MAML3: variants seen among roughly 807,000 people sequenced by gnomAD.
MAML3 encodes mastermind like transcriptional coactivator 3, also known as mastermind-like protein 3.
MAML3 carries 27 observed loss-of-function variants against 101.9 expected under a neutral mutation model. That is an observed-to-expected ratio of 0.27 (90% CI 0.20 to 0.37). The LOEUF is 0.37. Ranked by LOEUF, MAML3 falls within the 10% of genes least tolerant of loss-of-function variation. The pLI is 1.00. For synonymous variants in MAML3, 501 were observed against 555.9 expected (o/e 0.90, Z 1.39); for missense variants, 1,316 against 1,444.9 (o/e 0.91, Z 1.45).
intron 4 of MAML3, 126 bp from the exon 5 acceptor site, chr4:139,720,449 A>C: frequency 1.2e-6 from 1 of 805,906 alleles, no homozygotes; most frequent in Non-Finnish European, 1.8e-6. Flanking sequence ...TCTGATAATA[A>C]ATCTGTAACA....
At chr4:139,862,260 G>T (rs1321520421) in intron 2 of MAML3, among the ~76,000 whole-genome samples, 1 of 152,258 alleles carries the variant, frequency 6.6e-6, no homozygotes, top group East Asian at 1.9e-4. Context: ...CCCAGCCCCA[G>T]AGATTAAGAG....
At position 139,729,223 on chromosome 4, in the gene MAML3, T is replaced by TG. The variant is rs1728603111; in HGVS notation, c.2331+1192dup. On this transcript the variant is annotated intron_variant, in intron 3 of 4. Coordinates refer to ENST00000509479, the MANE Select transcript of MAML3 (RefSeq NM_018717.5). ...TGCTCAGCAGTACAATTTTTCTCTT[T>TG]GGGGGATGCCTGGTGTTACTTTGAA... is the stretch of plus-strand genomic sequence containing the variant. 3.3e-5 allele frequency among the ~76,000 whole-genome samples: 5 copies of TG among 149,356 alleles called. No individual in the cohort carries two copies. In the South Asian group the frequency reaches 1.1e-3, roughly 32 times the overall value.
At chr4:139,765,931 G>A (rs1025783624) in intron 2 of MAML3, among the ~76,000 whole-genome samples, 2 of 152,086 alleles carry the variant, frequency 1.3e-5, no homozygotes, top group African/African-American at 2.4e-5. Context: ...TGGCTTCAGT[G>A]AGCTATGATC....
rs1560825863 is a variant in MAML3, at chr4:139,889,498, C to T, written c.1938G>A (p.Gln646=). The change falls in exon 2 of 5, where the codon CAG becomes CAA. Residue 646 remains glutamine (Q), a synonymous_variant. Coordinates refer to ENST00000509479, the MANE Select transcript of MAML3 (RefSeq NM_018717.5). The part of the protein sequence containing the change: ...QQQQQQQQQQ[Q]QQQQPPPPQL... ...GTGGAGGTGGCGGCTGCTGCTGCTGCTGCTGCTGCTGTTGCTGTTGCTGCT... is the reference window on the plus strand; with the variant it reads ...GTGGAGGTGGCGGCTGCTGCTGCTGTTGCTGCTGCTGTTGCTGTTGCTGCT... The T allele has an allele frequency of 6.2e-7, 1 of 1,612,314 alleles. No homozygotes were observed. Among genetic ancestry groups the T allele is most frequent in the East Asian group, 2.2e-5 (1 of 44,854 alleles).
At chr4:140,107,629 T>C (rs948948015) in intron 1 of MAML3, among the ~76,000 whole-genome samples, 6 of 151,192 alleles carry the variant, frequency 4.0e-5, no homozygotes, top group African/African-American at 1.5e-4. Context: ...CTCACCCTCC[T>C]GAGTAGCTGG....
chr4:140,065,544 G>C (rs1396300003), intron 1 of MAML3, among the ~76,000 whole-genome samples: 1 of 152,094 alleles, frequency 6.6e-6, no homozygotes, highest in Non-Finnish European at 1.5e-5. Context: ...GAATAAACTC[G>C]ATGCAGACAG....
intron 1 of MAML3, among the ~76,000 whole-genome samples, chr4:139,996,593 A>G (rs1438600991): frequency 2.0e-5 from 3 of 152,102 alleles, no homozygotes; most frequent in South Asian, 2.1e-4. Flanking sequence ...AATGATTAGT[A>G]TTTGCATAGC....
chr4:140,004,706 C>A (rs886275329), intron 1 of MAML3, among the ~76,000 whole-genome samples: 13 of 152,154 alleles, frequency 8.5e-5, no homozygotes, highest in African/African-American at 2.9e-4. Context: ...GCAGCGCTCA[C>A]GGGGCTGGCG....
In MAML3 at chr4:139,720,281, A is replaced by T; in HGVS notation, c.2459T>A (p.Leu820His). Residue 820 changes from leucine to histidine, a missense_variant, in exon 5 of 5, where the codon CTC becomes CAC. Coordinates refer to ENST00000509479, the MANE Select transcript of MAML3 (RefSeq NM_018717.5). ...DIAAVRSQAA[L>H]QSMRTSRLMA... ...CAGCCGTGACGTTCGCATGCTCTGG[A>T]GGGCTGCTTGGCTTCTTACGGCTGC... 1 of 1,568,984 alleles carries T rather than the reference A, an allele frequency of 6.4e-7. No homozygotes were observed. The highest frequency in any genetic ancestry group is 8.7e-7 in the Non-Finnish European group (1 of 1,154,854).
chr4:139,730,721 T>C, intron 2 of MAML3, 54 bp from the exon 3 acceptor site: 2 of 1,511,910 alleles, frequency 1.3e-6, no homozygotes, highest in Admixed American at 1.8e-5. Flanking sequence ...GACTCACTGC[T>C]GTTTGAAGGG....
At chr4:140,010,109 T>C (rs1306536908) in intron 1 of MAML3, among the ~76,000 whole-genome samples, 1 of 152,188 alleles carries the variant, frequency 6.6e-6, no homozygotes, top group Non-Finnish European at 1.5e-5. Context: ...TACCATCAAA[T>C]CTACAACATA....
chr4:139,889,903 GTGCTGTTGCTGC>G lies in MAML3; in HGVS notation c.1521_1532del (p.Gln507_Gln510del), dbSNP rs1391328131. The stretch of plus-strand genomic sequence containing the variant: ...GAGACCAATTTGAAGTCTGATTTGA[GTGCTGTTGCTGC>G]TGCTGCTGCTGCTGCTGCTGCTGCT... On this transcript the variant is annotated inframe_deletion, in exon 2 of 5. Transcript: ENST00000509479. 2.4e-5 allele frequency: 39 copies of G among 1,607,742 alleles called. No individual in the cohort carries two copies. The East Asian group carries it at 4.8e-4, about 20-fold the overall frequency.
At chr4:139,998,607 A>T (rs1406678846) in intron 1 of MAML3, among the ~76,000 whole-genome samples, 1 of 152,174 alleles carries the variant, frequency 6.6e-6, no homozygotes, top group Non-Finnish European at 1.5e-5. Flanking sequence ...GACTTCTCTT[A>T]TTCCTAAGTA....
At chr4:140,095,440 C>T (rs192040396) in intron 1 of MAML3, among the ~76,000 whole-genome samples, 379 of 152,262 alleles carry the variant, frequency 2.5e-3, no homozygotes, top group African/African-American at 8.5e-3. Context: ...CCCTGCGCTC[C>T]AGGCTGAGGG....
chr4:139,826,779 T>C (rs1006774164), intron 2 of MAML3, among the ~76,000 whole-genome samples: 4 of 152,170 alleles, frequency 2.6e-5, no homozygotes, highest in African/African-American at 9.7e-5. Context: ...AAATGTGGTT[T>C]GTTGCTTCAG....
intron 2 of MAML3, among the ~76,000 whole-genome samples, chr4:139,829,217 T>G (rs1289559101): frequency 4.6e-4 from 42 of 91,190 alleles, no homozygotes; most frequent in East Asian, 9.7e-4. Flanking sequence ...GAAGGAAGGA[T>G]GGAAGGAGAA....
chr4:140,120,819 C>T (rs964641701), intron 1 of MAML3, among the ~76,000 whole-genome samples: 2 of 152,156 alleles, frequency 1.3e-5, no homozygotes, highest in African/African-American at 2.4e-5. Context: ...TAAAGCACTG[C>T]AGTAACGTTC....
At chr4:140,063,372 T>G (rs1386602439) in intron 1 of MAML3, among the ~76,000 whole-genome samples, 1 of 152,072 alleles carries the variant, frequency 6.6e-6, no homozygotes, top group Non-Finnish European at 1.5e-5. Context: ...CATAGATAGA[T>G]CCTTCCTAGG....
Position 140,032,879 on chromosome 4 carries a change from TAAAAA to T in MAML3, c.468+119976_468+119980del, listed in dbSNP as rs34897100. 4.8e-3 allele frequency among the ~76,000 whole-genome samples: 658 copies of T among 137,756 alleles called. 5 individuals carry two copies. The highest frequency in any genetic ancestry group is 0.016 in the African/African-American group (624 of 38,606). 90.4% of individuals were successfully genotyped at this position (137,756 alleles called of 152,430 possible). A position where few individuals can be genotyped will look rare whatever the true frequency, so the allele number is the denominator to read the frequency against. The stretch of plus-strand genomic sequence containing the variant: ...TTGGAAAAAAACCTCTCATTGTTTG[TAAAAA>T]AAAAAAAAAAAAAAAGTGAGAGAAT... On this transcript the variant is annotated intron_variant, in intron 1 of 4. Coordinates refer to ENST00000509479, the MANE Select transcript of MAML3 (RefSeq NM_018717.5).
Sources: gnomAD v4.1 joint callset for allele counts (sites outside exome capture counted in the v4.1 genomes callset) on GRCh38, gnomAD v4.1.1 for gene constraint, MANE v1.5 for transcripts, NCBI Gene and HGNC (gene_info 2026-07-23, HGNC 2026-07-21) for gene names.